OR8J1: variants seen among roughly 807,000 people sequenced by gnomAD.
OR8J1 encodes olfactory receptor family 8 subfamily J member 1, also known as olfactory receptor 8J1.
For synonymous variants in OR8J1, 157 were observed against 144.3 expected, an observed-to-expected ratio of 1.09 and a Z score of -0.63; for missense variants, 400 against 373.0, an observed-to-expected ratio of 1.07 and a Z score of -0.60.
At chr11:56,355,316 C>T (rs948017712) in intron 1 of OR8J1, among the ~76,000 whole-genome samples, 7 of 151,690 alleles carry the variant, frequency 4.6e-5, no homozygotes, top group African/African-American at 1.2e-4. Context: ...ACCCATTAGC[C>T]GTAAAACACT....
At position 56,361,392 on chromosome 11, in the gene OR8J1, G is replaced by GAA; in HGVS notation, c.*204_*205dup. 1 of 362,438 alleles carries GAA rather than the reference G, an allele frequency of 2.8e-6. No individual in the cohort carries two copies. The highest frequency in any genetic ancestry group is 4.0e-5 in the East Asian group (1 of 25,170). The allele number at this position is 362,438 out of a possible 1,614,324, so 22.5% of individuals were successfully genotyped here. On this transcript the variant is annotated 3_prime_UTR_variant, in exon 2 of 2. Coordinates refer to ENST00000533152, the MANE Select transcript of OR8J1 (RefSeq NM_001005205.3). The stretch of plus-strand genomic sequence containing the variant: ...CCCTTTGAGTTGTGAGGTTAAGTTA[G>GAA]AAAAAAAAAATGTTATTTACCAATT...
rs952647418 is a variant in OR8J1, at chr11:56,358,974, G to A, written c.-20-1253G>A. On this transcript the variant is annotated intron_variant, in intron 1 of 1. Transcript: ENST00000533152. ...GTTCATTTCATTCTTTTTTCACACT[G>A]CAGGATAGTTTTCTATTTTTCTTTT... Among the ~76,000 whole-genome samples, 6 of 152,218 alleles carry A rather than the reference G, an allele frequency of 3.9e-5. No homozygotes were observed. The Middle Eastern group carries it at 0.01, about 259-fold the overall frequency.
chr11:56,357,866 T>G (rs546060839), intron 1 of OR8J1: 459 of 906,358 alleles, frequency 5.1e-4, no homozygotes, highest in Non-Finnish European at 6.7e-4. Context: ...AACAATTCCC[T>G]GATTATGATT....
chr11:56,355,083 C>A (rs1300404182), intron 1 of OR8J1, among the ~76,000 whole-genome samples: 1 of 151,970 alleles, frequency 6.6e-6, no homozygotes, highest in Non-Finnish European at 1.5e-5. Context: ...TAGAAAAAAA[C>A]TCATTGCCTG....
Position 56,361,167 on chromosome 11 carries a change from A to ATG in OR8J1, c.921_922insTG (p.Asn308Ter), listed in dbSNP as rs777149289. ...AGACTGCTCTACAGAGATTCATGAC[A>ATG]AATCTGTGCTATTCCTTTAAAACAA... On this transcript the variant is annotated frameshift_variant, in exon 2 of 2. Transcript: ENST00000533152. LOFTEE classifies it low-confidence loss of function (END_TRUNC). The ATG allele has an allele frequency of 1.1e-5, 16 of 1,394,838 alleles. No individual in the cohort carries two copies. Among genetic ancestry groups the ATG allele is most frequent in the Non-Finnish European group, 1.3e-5 (14 of 1,071,342 alleles). The allele number at this position is 1,394,838 out of a possible 1,614,324, so 86.4% of individuals were successfully genotyped here.
chr11:56,357,075 C>G (rs190807051), intron 1 of OR8J1, among the ~76,000 whole-genome samples: 1 of 152,068 alleles, frequency 6.6e-6, no homozygotes, highest in Non-Finnish European at 1.5e-5. Context: ...CTGAAGCCCA[C>G]GTTATCTTAT....
In OR8J1 at chr11:56,361,378, G is replaced by A. The variant is rs1852636653; in HGVS notation, c.*181G>A. The A allele has an allele frequency of 5.1e-6, 2 of 394,382 alleles. No homozygotes were observed. The highest frequency in any genetic ancestry group is 2.1e-5 in the African/African-American group (1 of 48,300). The allele number at this position is 394,382 out of a possible 1,614,324, so 24.4% of individuals were successfully genotyped here. On this transcript the variant is annotated 3_prime_UTR_variant, in exon 2 of 2. Transcript: ENST00000533152. The stretch of plus-strand genomic sequence containing the variant: ...AAAATAAACTGAAACCCTTTGAGTT[G>A]TGAGGTTAAGTTAGAAAAAAAAAAT...
intron 1 of OR8J1, among the ~76,000 whole-genome samples, chr11:56,354,851 A>C (rs1368479254): frequency 6.6e-6 from 1 of 152,210 alleles, no homozygotes; most frequent in Non-Finnish European, 1.5e-5. Flanking sequence ...GCAATAATGG[A>C]AAGTGTTTAG....
chr11:56,360,505 G>A lies in OR8J1; in HGVS notation c.259G>A (p.Val87Ile). Residue 87 changes from valine to isoleucine, a missense_variant, in exon 2 of 2, where the codon GTA becomes ATA. Coordinates refer to ENST00000533152, the MANE Select transcript of OR8J1 (RefSeq NM_001005205.3). ...CCCTAAAATGCTGATTAACTTTTTA[G>A]TAAAGAAGAAAACTACCTCATTCTA... ...IAPKMLINFL[V>I]KKKTTSFYEC... 6.2e-7 allele frequency: 1 copy of A among 1,614,108 alleles called. No individual in the cohort carries two copies. Among genetic ancestry groups the A allele is most frequent in the Non-Finnish European group, 8.5e-7 (1 of 1,180,020 alleles).
chr11:56,356,531 G>A (rs943460979), intron 1 of OR8J1, among the ~76,000 whole-genome samples: 3 of 152,044 alleles, frequency 2.0e-5, no homozygotes, highest in African/African-American at 7.2e-5. Flanking sequence ...GGAAACCCAG[G>A]GAAGGCAAGG....
intron 1 of OR8J1, 145 bp from the exon 2 acceptor site, chr11:56,360,082 A>G (rs1458872987): frequency 1.0e-5 from 5 of 499,106 alleles, no homozygotes; most frequent in Non-Finnish European, 1.4e-5. Flanking sequence ...AAGTTTACTT[A>G]TTAGACCTAG....
intron 1 of OR8J1, among the ~76,000 whole-genome samples, chr11:56,356,875 T>C (rs1486259111): frequency 6.6e-6 from 1 of 152,140 alleles, no homozygotes; most frequent in East Asian, 1.9e-4. Context: ...GCTTACTCCA[T>C]CTTAAAACAT....
chr11:56,357,841 T>C, intron 1 of OR8J1: 1 of 959,186 alleles, frequency 1.0e-6, no homozygotes, highest in African/African-American at 1.6e-5. Flanking sequence ...GGCTTGTCTA[T>C]CCCTCACAGT....
In OR8J1 at chr11:56,361,195, T is replaced by C; in HGVS notation, c.949T>C (p.Ter317GlnextTer2). The change falls in exon 2 of 2, where the codon TAA (stop) becomes CAA (glutamine). Residue 317 changes from the stop codon to glutamine (Q), a stop_lost. Transcript: ENST00000533152. ...TCTGTGCTATTCCTTTAAAACAATG[T>C]AATTTTAAACAGTACAGGTAAATGA... is the stretch of plus-strand genomic sequence containing the variant. The part of the protein sequence containing the change: ...TNLCYSFKTM[*>Q] 1.6e-6 allele frequency: 2 copies of C among 1,270,094 alleles called. No individual in the cohort carries two copies. The highest frequency in any genetic ancestry group is 5.5e-5 in the East Asian group (2 of 36,174). 78.7% of individuals were successfully genotyped at this position (1,270,094 alleles called of 1,614,324 possible).
At chr11:56,355,137 T>G (rs1854950355) in intron 1 of OR8J1, among the ~76,000 whole-genome samples, 1 of 152,066 alleles carries the variant, frequency 6.6e-6, no homozygotes, top group South Asian at 2.1e-4. Context: ...TGTTCAAAAG[T>G]AAGTTTACTT....
At chr11:56,356,510 A>G (rs1854970799) in intron 1 of OR8J1, among the ~76,000 whole-genome samples, 1 of 152,174 alleles carries the variant, frequency 6.6e-6, no homozygotes, top group South Asian at 2.1e-4. Flanking sequence ...TACAGACAGA[A>G]TATTAAAATT....
At chr11:56,358,763 A>C (rs1301181220) in intron 1 of OR8J1, among the ~76,000 whole-genome samples, 1 of 152,092 alleles carries the variant, frequency 6.6e-6, no homozygotes, top group Non-Finnish European at 1.5e-5. Flanking sequence ...TTTCATTGGA[A>C]TAGTAGGTCC....
At position 56,360,328 on chromosome 11, in the gene OR8J1, T is replaced by C. The variant is rs149173319; in HGVS notation, c.82T>C (p.Phe28Leu). 6.2e-7 allele frequency: 1 copy of C among 1,614,048 alleles called. No homozygotes were observed. ...CTGTCCAGAGCTCCAGATTCCCCTC[T>C]TCCTGGTCTTTCTGGTGCTCTATGG... ...SSCPELQIPL[F>L]LVFLVLYGLT... The change falls in exon 2 of 2, where the codon TTC becomes CTC. Residue 28 changes from phenylalanine (F) to leucine (L), a missense_variant. Physicochemically the swap from Phe to Leu is conservative, Grantham distance 22. Transcript: ENST00000533152.
At chr11:56,354,465 G>GA (rs1302884580) in intron 1 of OR8J1, 140 bp downstream of exon 1, 1 of 152,052 alleles carries the variant, frequency 6.6e-6, no homozygotes, top group Non-Finnish European at 1.5e-5. Flanking sequence ...AGATAAATAA[G>GA]TTTGTTTTTC....
Sources: gnomAD v4.1 joint callset for allele counts (sites outside exome capture counted in the v4.1 genomes callset) on GRCh38, gnomAD v4.1.1 for gene constraint, MANE v1.5 for transcripts, NCBI Gene and HGNC (gene_info 2026-07-23, HGNC 2026-07-21) for gene names.